COL22A1: variants seen among roughly 807,000 people sequenced by gnomAD.
The protein encoded by COL22A1 is collagen type XXII alpha 1 chain.
Under a neutral mutation model 248.9 loss-of-function variants are expected in COL22A1, and 221 were observed. The ratio of observed to expected loss-of-function variants is 0.89; its 90% CI spans 0.80 to 0.99. The LOEUF (loss-of-function observed/expected upper bound fraction) is 0.99. COL22A1 is among the 50% of genes least tolerant of loss of function. The pLI, the probability that COL22A1 is intolerant of heterozygous loss-of-function variation, is 0.00. For missense variants in COL22A1, 2,240 were observed against 2,179.0 expected (o/e 1.03, Z -0.56); for synonymous variants, 891 against 793.4 (o/e 1.12, Z -2.07).
At chr8:138,831,184 T>C (rs561870394) in intron 5 of COL22A1, among the ~76,000 whole-genome samples, 8 of 152,252 alleles carry the variant, frequency 5.3e-5, no homozygotes, top group South Asian at 2.1e-4. Context: ...AGAATGTTCA[T>C]TGAATTAAAA....
Position 138,594,015 on chromosome 8 carries a change from AC to A in COL22A1, c.4615+1del. 2 of 1,545,924 alleles carry A rather than the reference AC, an allele frequency of 1.3e-6. No homozygotes were observed. The highest frequency in any genetic ancestry group is 1.7e-6 in the Non-Finnish European group (2 of 1,154,232). On this transcript the variant is annotated splice_donor_variant, in intron 63 of 64. Transcript: ENST00000303045. LOFTEE classifies it high-confidence loss of function. ...GCATATCTCCTCCAGGTCTTCACTC[AC>A]CTTTGGGACCTATGGGTCCAGAGGG...
chr8:138,805,039 GATGGTGTGTGTA>G (rs1445873810), intron 10 of COL22A1, among the ~76,000 whole-genome samples: 4 of 111,264 alleles, frequency 3.6e-5, no homozygotes, highest in Admixed American at 8.5e-5. Flanking sequence ...TAGTGTGTGT[GATGGTGTGTGTA>G]ATGGTGTGTG....
intron 3 of COL22A1, among the ~76,000 whole-genome samples, chr8:138,844,843 G>A (rs1273231603): frequency 2.6e-5 from 4 of 151,790 alleles, no homozygotes; most frequent in South Asian, 2.1e-4. Context: ...CCAGCTACTC[G>A]GGAGGCTGAG....
At chr8:138,613,760 A>AT in intron 56 of COL22A1, 107 bp downstream of exon 56, 1 of 1,089,118 alleles carries the variant, frequency 9.2e-7, no homozygotes, top group Non-Finnish European at 1.4e-6. Flanking sequence ...ACATATTACA[A>AT]TTTTTTAACA....
At chr8:138,633,835 C>T (rs774034893) in intron 49 of COL22A1, among the ~76,000 whole-genome samples, 4 of 152,184 alleles carry the variant, frequency 2.6e-5, no homozygotes, top group Non-Finnish European at 4.4e-5. Flanking sequence ...AGTTAAATGA[C>T]AGCAAACTGA....
intron 8 of COL22A1, among the ~76,000 whole-genome samples, chr8:138,812,461 G>A (rs1167230812): frequency 4.6e-5 from 7 of 152,194 alleles, no homozygotes; most frequent in African/African-American, 1.7e-4. Flanking sequence ...GGGTTGGAAA[G>A]GGAGAGGCCT....
chr8:138,787,621 A>T (rs996095737), intron 12 of COL22A1, among the ~76,000 whole-genome samples: 5 of 152,224 alleles, frequency 3.3e-5, no homozygotes. Context: ...AACACTCAGG[A>T]TATAAGAGAA....
intron 3 of COL22A1, among the ~76,000 whole-genome samples, chr8:138,848,092 G>T (rs1389942193): frequency 6.6e-6 from 1 of 152,202 alleles, no homozygotes; most frequent in Non-Finnish European, 1.5e-5. Flanking sequence ...ATAAGAAGTA[G>T]TTCTAAATTA....
intron 10 of COL22A1, among the ~76,000 whole-genome samples, chr8:138,803,807 T>C (rs908656950): frequency 6.6e-6 from 1 of 152,226 alleles, no homozygotes; most frequent in South Asian, 2.1e-4. Flanking sequence ...CTTTTGTCTT[T>C]GTTCTTGATC....
At chr8:138,780,781 G>C (rs534351248) in intron 13 of COL22A1, 146 bp downstream of exon 13, 2 of 722,490 alleles carry the variant, frequency 2.8e-6, no homozygotes, top group Non-Finnish European at 5.0e-6. Flanking sequence ...CTGAGCTCCT[G>C]GTATCTGCGA....
Position 138,725,752 on chromosome 8 carries a change from G to GACACACACACAC in COL22A1, c.2140-324_2140-313dup, listed in dbSNP as rs66497386. On this transcript the variant is annotated intron_variant, in intron 23 of 64. Transcript: ENST00000303045. ...ATACATATATGTGTGCACATGTGCA[G>GACACACACACAC]ACACACACACACACACACACACACA... Among the ~76,000 whole-genome samples, 6 of 148,686 alleles carry GACACACACACAC rather than the reference G, an allele frequency of 4.0e-5. No individual in the cohort carries two copies. In the South Asian group the frequency reaches 6.6e-4, roughly 16 times the overall value.
intron 16 of COL22A1, among the ~76,000 whole-genome samples, chr8:138,768,765 G>A (rs1834112849): frequency 6.6e-6 from 1 of 152,012 alleles, no homozygotes; most frequent in Admixed American, 6.6e-5. Context: ...GTGAAACCCT[G>A]TCTCTACTAA....
intron 35 of COL22A1, among the ~76,000 whole-genome samples, chr8:138,691,549 G>C (rs1200080973): frequency 6.6e-6 from 1 of 152,182 alleles, no homozygotes; most frequent in African/African-American, 2.4e-5. Flanking sequence ...GTATGTCCGT[G>C]TGTGCATGTT....
intron 3 of COL22A1, among the ~76,000 whole-genome samples, chr8:138,870,740 T>G (rs1823272173): frequency 6.6e-6 from 1 of 151,778 alleles, no homozygotes; most frequent in African/African-American, 2.4e-5. Flanking sequence ...GCATAGTGTT[T>G]GTGTATGTGT....
intron 4 of COL22A1, among the ~76,000 whole-genome samples, chr8:138,839,244 G>A (rs1820680404): frequency 6.6e-6 from 1 of 152,140 alleles, no homozygotes; most frequent in African/African-American, 2.4e-5. Context: ...TGCTGCGTGG[G>A]CTGCTCAGGT....
intron 23 of COL22A1, 145 bp downstream of exon 23, chr8:138,737,379 C>A: frequency 3.2e-6 from 2 of 631,634 alleles, no homozygotes. Flanking sequence ...GGAGGGAGGA[C>A]ACGTGACCCA....
intron 32 of COL22A1, among the ~76,000 whole-genome samples, chr8:138,698,866 G>C (rs1827738220): frequency 6.6e-6 from 1 of 152,278 alleles, no homozygotes; most frequent in South Asian, 2.1e-4. Context: ...GTGAGTGCCT[G>C]TCTCTGCCAG....
intron 3 of COL22A1, among the ~76,000 whole-genome samples, chr8:138,859,884 G>C (rs1460127555): frequency 9.5e-6 from 1 of 105,448 alleles, no homozygotes; most frequent in East Asian, 4.4e-4. Flanking sequence ...TGAGAGTAAA[G>C]CAACGGTGGC....
At chr8:138,853,853 C>T (rs547132793) in intron 3 of COL22A1, among the ~76,000 whole-genome samples, 1 of 152,306 alleles carries the variant, frequency 6.6e-6, no homozygotes, top group Non-Finnish European at 1.5e-5. Flanking sequence ...AGTAACAGAA[C>T]TCATTAATAC....
Sources: allele counts gnomAD v4.1 joint callset (sites outside exome capture counted in the v4.1 genomes callset), GRCh38; gene constraint gnomAD v4.1.1; transcripts MANE v1.5; gene names NCBI Gene and HGNC (gene_info 2026-07-23, HGNC 2026-07-21).